Variants in BLMH observed in about 807,000 individuals in gnomAD.
BLMH encodes bleomycin hydrolase.
Under a neutral mutation model 61.6 loss-of-function variants are expected in BLMH, and 32 were observed. That is an observed-to-expected ratio of 0.52 (90% confidence interval 0.39 to 0.70). The LOEUF (loss-of-function observed/expected upper bound fraction) is 0.70, where lower values mean the gene tolerates loss of function less well. Ranked by LOEUF, BLMH falls within the 30% of genes least tolerant of loss-of-function variation. BLMH has a pLI of 0.00. For synonymous variants in BLMH, 183 were observed against 193.8 expected, an observed-to-expected ratio of 0.94 and a Z score of 0.46; for missense variants, 460 against 555.5, an observed-to-expected ratio of 0.83 and a Z score of 1.73.
chr17:30,290,314 A>G (rs1908850366), intron 2 of BLMH, among the ~76,000 whole-genome samples: 2 of 152,222 alleles, frequency 1.3e-5, no homozygotes, highest in South Asian at 2.1e-4. Flanking sequence ...GTAAGACCTG[A>G]CCTGTTCCCT....
At chr17:30,270,500 T>C (rs1208660988) in intron 10 of BLMH, among the ~76,000 whole-genome samples, 2 of 113,534 alleles carry the variant, frequency 1.8e-5, no homozygotes, top group African/African-American at 4.0e-5. Context: ...AGACTCCATC[T>C]CAAAAAAAAA....
intron 11 of BLMH, among the ~76,000 whole-genome samples, chr17:30,263,955 A>T (rs1001151476): frequency 1.3e-5 from 2 of 152,244 alleles, no homozygotes; most frequent in African/African-American, 4.8e-5. Flanking sequence ...AAGAGAGCAT[A>T]AACAGAGGTC....
At position 30,272,853 on chromosome 17, in the gene BLMH, A is replaced by C; in HGVS notation, c.848T>G (p.Leu283Arg). ...ATTGCTTAAGTATTCCACTGTGTAA[A>C]GTTTGTTGTACTTGTGCTGGGGCCT... ...DPRPQHKYNK[L>R]YTVEYLSNMV... The change falls in exon 8 of 12, where the codon CTT becomes CGT. Residue 283 changes from leucine (L) to arginine (R), a missense_variant. By Grantham distance (102) the Leu-to-Arg change is moderately radical. Coordinates refer to ENST00000261714, the MANE Select transcript of BLMH (RefSeq NM_000386.4). 1 of 1,614,086 alleles carries C rather than the reference A, an allele frequency of 6.2e-7. No individual in the cohort carries two copies. The highest frequency in any genetic ancestry group is 1.7e-5 in the Admixed American group (1 of 60,004).
At chr17:30,253,949 CAGTGT>C (rs1167348341) in intron 11 of BLMH, among the ~76,000 whole-genome samples, 3 of 152,112 alleles carry the variant, frequency 2.0e-5, no homozygotes, top group Non-Finnish European at 4.4e-5. Flanking sequence ...AAGGGAAAAA[CAGTGT>C]CTGTGAATAT....
rs59515453 is a variant in BLMH at position 30,289,782 on chromosome 17, C to T, written c.212-300G>A. The stretch of plus-strand genomic sequence containing the variant: ...CTTCAAAATAAATTAACTGAGAGCG[C>T]CATTAGAAAAGTCTTTTAAGGTCTT... On this transcript the variant is annotated intron_variant, in intron 2 of 11. Coordinates refer to ENST00000261714, the MANE Select transcript of BLMH (RefSeq NM_000386.4). Among the ~76,000 whole-genome samples, 16 of 152,192 alleles carry T rather than the reference C, an allele frequency of 1.1e-4. No homozygotes were observed. The East Asian group carries it at 2.9e-3, about 28-fold the overall frequency.
At chr17:30,285,811 A>C (rs558055766) in intron 5 of BLMH, among the ~76,000 whole-genome samples, 1 of 152,338 alleles carries the variant, frequency 6.6e-6, no homozygotes, top group African/African-American at 2.4e-5. Context: ...AGCAGGAGAC[A>C]AGATAATTAT....
intron 6 of BLMH, among the ~76,000 whole-genome samples, chr17:30,284,883 G>C (rs962599786): frequency 2.0e-5 from 3 of 152,186 alleles, no homozygotes; most frequent in African/African-American, 7.2e-5. Flanking sequence ...AATTCCTTTT[G>C]CCTAGAATGG....
intron 10 of BLMH, among the ~76,000 whole-genome samples, chr17:30,269,087 T>C (rs1444204473): frequency 6.6e-6 from 1 of 151,022 alleles, no homozygotes; most frequent in African/African-American, 2.4e-5. Flanking sequence ...CAGAACTCTA[T>C]ATAGTTTAAA....
chr17:30,260,297 CT>C (rs1270828188), intron 11 of BLMH, among the ~76,000 whole-genome samples: 2 of 152,166 alleles, frequency 1.3e-5, no homozygotes, highest in Admixed American at 1.3e-4. Context: ...TGGAGACAAT[CT>C]GGTGAAAATT....
chr17:30,268,716 GTTT>G lies in BLMH; in HGVS notation c.1147-1765_1147-1763del, dbSNP rs567299295. ...GGAAATTACAAGTTTTTGTTTGTTT[GTTT>G]TTTTAAAAACAAACAAACAAACAAA... On this transcript the variant is annotated intron_variant, in intron 10 of 11. Transcript: ENST00000261714. 6.6e-5 allele frequency among the ~76,000 whole-genome samples: 10 copies of G among 150,702 alleles called. No homozygotes were observed. In the South Asian group the frequency reaches 8.3e-4, roughly 13 times the overall value.
At chr17:30,253,802 A>T (rs1452706457) in intron 11 of BLMH, among the ~76,000 whole-genome samples, 1 of 152,258 alleles carries the variant, frequency 6.6e-6, no homozygotes, top group Non-Finnish European at 1.5e-5. Context: ...TTAAACTTTA[A>T]TGTCTTGTTT....
In BLMH at chr17:30,272,552, T is replaced by C; in HGVS notation, c.1028+9A>G. The C allele has an allele frequency of 6.2e-7, 1 of 1,614,100 alleles. No homozygotes were observed. On this transcript the variant is annotated intron_variant, in intron 9 of 11. Transcript: ENST00000261714. ...AAATGACTTTCCATTTTAAATTTCC[T>C]GCACTCACAGATTCATGTCACTGAG...
intron 6 of BLMH, among the ~76,000 whole-genome samples, chr17:30,281,963 C>T (rs768092233): frequency 6.6e-6 from 1 of 152,180 alleles, no homozygotes; most frequent in Non-Finnish European, 1.5e-5. Context: ...TTTTCAATAG[C>T]TGACAGCCAC....
At chr17:30,249,325 C>CT in intron 11 of BLMH, 157 bp from the exon 12 acceptor site, 1 of 850,798 alleles carries the variant, frequency 1.2e-6, no homozygotes, top group Middle Eastern at 2.8e-4. Context: ...ATTAGCAATT[C>CT]TGTGAAGCAG....
chr17:30,264,655 G>A (rs914140690), intron 11 of BLMH, among the ~76,000 whole-genome samples: 21 of 152,132 alleles, frequency 1.4e-4, no homozygotes, highest in African/African-American at 4.1e-4. Context: ...GCAAGCTGAC[G>A]GATCCAGGCT....
chr17:30,261,237 A>C (rs543907696), intron 11 of BLMH, among the ~76,000 whole-genome samples: 13 of 152,348 alleles, frequency 8.5e-5, no homozygotes, highest in African/African-American at 3.1e-4. Flanking sequence ...TTCCAATTCT[A>C]TCTCTGATTC....
chr17:30,265,512 CA>C (rs1397432646), intron 11 of BLMH, among the ~76,000 whole-genome samples: 2 of 152,146 alleles, frequency 1.3e-5, no homozygotes, highest in African/African-American at 4.8e-5. Context: ...GGGGCAACAA[CA>C]AAGAGTTGCT....
chr17:30,271,229 C>T (rs1908260193), intron 10 of BLMH, 42 bp downstream of exon 10: 2 of 1,343,864 alleles, frequency 1.5e-6, no homozygotes, highest in East Asian at 2.3e-5. Context: ...GAATGTAGAT[C>T]CATCTGTGCA....
intron 6 of BLMH, among the ~76,000 whole-genome samples, chr17:30,280,831 C>T (rs1423577510): frequency 2.6e-5 from 4 of 152,048 alleles, no homozygotes; most frequent in Non-Finnish European, 5.9e-5. Flanking sequence ...AAAGGTAAAA[C>T]GACCTATTGA....
Sources: allele counts gnomAD v4.1 joint callset (sites outside exome capture counted in the v4.1 genomes callset), GRCh38; gene constraint gnomAD v4.1.1; transcripts MANE v1.5; gene names NCBI Gene and HGNC (gene_info 2026-07-23, HGNC 2026-07-21).